Variants in SCN8A observed in about 807,000 individuals in gnomAD.
SCN8A encodes sodium channel protein type 8 subunit alpha.
SCN8A carries 30 observed loss-of-function variants against 184.1 expected under a neutral mutation model. The ratio of observed to expected loss-of-function variants is 0.16; its 90% CI spans 0.12 to 0.22. The LOEUF (loss-of-function observed/expected upper bound fraction) is 0.22. Ranked by LOEUF, SCN8A falls within the 10% of genes least tolerant of loss-of-function variation. The pLI is 1.00. For synonymous variants in SCN8A, 852 were observed against 907.0 expected, an observed-to-expected ratio of 0.94 and a Z score of 1.09; for missense variants, 1,057 against 2,498.9, an observed-to-expected ratio of 0.42 and a Z score of 12.30.
chr12:51,712,259 T>C (rs1941890842), intron 11 of SCN8A, among the ~76,000 whole-genome samples: 1 of 152,228 alleles, frequency 6.6e-6, no homozygotes, highest in Non-Finnish European at 1.5e-5. Flanking sequence ...TCCTGCAAAC[T>C]GTGGCTATGG....
intron 1 of SCN8A, among the ~76,000 whole-genome samples, chr12:51,613,151 A>G (rs1457943999): frequency 6.6e-6 from 1 of 152,108 alleles, no homozygotes; most frequent in Non-Finnish European, 1.5e-5. Context: ...ACCTTATAAG[A>G]TAAGTTGGGA....
chr12:51,701,438 C>A (rs1222160285), intron 8 of SCN8A, among the ~76,000 whole-genome samples: 1 of 152,130 alleles, frequency 6.6e-6, no homozygotes, highest in East Asian at 1.9e-4. Context: ...ATGAAAGAAT[C>A]CAAGGATGAA....
At chr12:51,629,923 T>A (rs1384350780) in intron 1 of SCN8A, among the ~76,000 whole-genome samples, 1 of 152,154 alleles carries the variant, frequency 6.6e-6, no homozygotes, top group Non-Finnish European at 1.5e-5. Flanking sequence ...CTCTTCCTGA[T>A]GGCTGTCTTC....
At position 51,758,913 on chromosome 12, in the gene SCN8A, G is replaced by A. The variant is rs974136255; in HGVS notation, c.2371-3590G>A. Among the ~76,000 whole-genome samples, 3 of 152,022 alleles carry A rather than the reference G, an allele frequency of 2.0e-5. No individual in the cohort carries two copies. In the East Asian group the frequency reaches 5.8e-4, roughly 30 times the overall value. On this transcript the variant is annotated intron_variant, in intron 14 of 26. Coordinates refer to ENST00000627620, the MANE Select transcript of SCN8A (RefSeq NM_001330260.2). ...ATTCCAAGGCCCCCAGTGGATGCCT[G>A]AAACCTCAGATAGTACCAAGCCATA...
intron 1 of SCN8A, among the ~76,000 whole-genome samples, chr12:51,626,879 G>C (rs1027821559): frequency 1.3e-5 from 2 of 150,606 alleles, no homozygotes; most frequent in Admixed American, 6.6e-5. Flanking sequence ...GATTTTTTTA[G>C]CTTGGATTAT....
At chr12:51,687,317 C>A in intron 5 of SCN8A, 98 bp downstream of exon 5, 2 of 1,360,684 alleles carry the variant, frequency 1.5e-6, no homozygotes, top group Non-Finnish European at 2.0e-6. Context: ...GTGGACACAG[C>A]TGTATGAGGA....
intron 2 of SCN8A, among the ~76,000 whole-genome samples, chr12:51,669,508 C>T (rs1941094369): frequency 6.6e-6 from 1 of 152,212 alleles, no homozygotes; most frequent in Non-Finnish European, 1.5e-5. Context: ...CCCTCTCTTC[C>T]TGTTGGAATG....
At chr12:51,715,761 A>C (rs1941955434) in intron 11 of SCN8A, among the ~76,000 whole-genome samples, 1 of 152,108 alleles carries the variant, frequency 6.6e-6, no homozygotes, top group Admixed American at 6.6e-5. Context: ...AGGTAGTATC[A>C]GCACCCAGCA....
chr12:51,703,682 T>TA (rs1178271986), intron 9 of SCN8A, among the ~76,000 whole-genome samples: 2 of 152,260 alleles, frequency 1.3e-5, no homozygotes, highest in Non-Finnish European at 2.9e-5. Context: ...CTAAGTGTCT[T>TA]ACAGCTTAGA....
rs994441586 is a variant in SCN8A at position 51,809,008 on chromosome 12, G to A, written c.*1579G>A. 1 of 152,176 alleles carries A rather than the reference G, an allele frequency of 6.6e-6. No homozygotes were observed. The highest frequency in any genetic ancestry group is 1.5e-5 in the Non-Finnish European group (1 of 68,036). 9.4% of individuals were successfully genotyped at this position (152,176 alleles called of 1,614,324 possible). Reference sequence around the variant, plus strand: ...ACCAAGCCCACTTGGTTTCTTTACTGCACTGGTTTTCATGAGAAAGCAATT... The same window carrying A: ...ACCAAGCCCACTTGGTTTCTTTACTACACTGGTTTTCATGAGAAAGCAATT... On this transcript the variant is annotated 3_prime_UTR_variant, in exon 27 of 27. Transcript: ENST00000627620.
chr12:51,665,100 A>C (rs1447174607), intron 2 of SCN8A, among the ~76,000 whole-genome samples: 1 of 152,196 alleles, frequency 6.6e-6, no homozygotes, highest in Non-Finnish European at 1.5e-5. Flanking sequence ...CTGACAGGAG[A>C]TATGAAAAAA....
At chr12:51,738,238 A>T (rs1197246795) in intron 12 of SCN8A, among the ~76,000 whole-genome samples, 1 of 152,182 alleles carries the variant, frequency 6.6e-6, no homozygotes, top group Non-Finnish European at 1.5e-5. Context: ...TGGAATTAGA[A>T]CTTGTGCTCC....
At chr12:51,650,946 A>G (rs1347549090) in intron 1 of SCN8A, among the ~76,000 whole-genome samples, 2 of 152,234 alleles carry the variant, frequency 1.3e-5, no homozygotes, top group Non-Finnish European at 2.9e-5. Context: ...TTCTATAGAT[A>G]TTAAATTAAC....
At position 51,709,444 on chromosome 12, in the gene SCN8A, G is replaced by A. The variant is rs572984612; in HGVS notation, c.1635+2729G>A. Among the ~76,000 whole-genome samples, 21 of 152,338 alleles carry A rather than the reference G, an allele frequency of 1.4e-4. No individual in the cohort carries two copies. In the South Asian group the frequency reaches 4.4e-3, roughly 32 times the overall value. On this transcript the variant is annotated intron_variant, in intron 11 of 26. Coordinates refer to ENST00000627620, the MANE Select transcript of SCN8A (RefSeq NM_001330260.2). Reference sequence around the variant, plus strand: ...GGATAAACAGTGTTAGAGAAGCTGAGAGGGCCAAGAGTTCAGTGAAGTCAG... The same window carrying A: ...GGATAAACAGTGTTAGAGAAGCTGAAAGGGCCAAGAGTTCAGTGAAGTCAG...
At chr12:51,660,401 T>C (rs897282034) in intron 1 of SCN8A, among the ~76,000 whole-genome samples, 4 of 152,228 alleles carry the variant, frequency 2.6e-5, no homozygotes, top group African/African-American at 9.6e-5. Flanking sequence ...CAGTGTTCTT[T>C]GTCCTCTGCG....
chr12:51,719,769 G>A (rs915059467), intron 11 of SCN8A, among the ~76,000 whole-genome samples: 5 of 149,372 alleles, frequency 3.3e-5, no homozygotes, highest in Admixed American at 6.7e-5. Flanking sequence ...GAATAAATAA[G>A]AAAAAATTTA....
chr12:51,722,989 T>C (rs569629152), intron 12 of SCN8A: 3 of 152,358 alleles, frequency 2.0e-5, no homozygotes, highest in African/African-American at 4.8e-5. Flanking sequence ...CTCCTTGAGA[T>C]AGCATGTTAG....
chr12:51,706,740 T>A, intron 11 of SCN8A, 25 bp downstream of exon 11: 4 of 1,448,032 alleles, frequency 2.8e-6, no homozygotes, highest in Non-Finnish European at 3.7e-6. Context: ...TTTCTATACC[T>A]TTTTCAAAAA....
At chr12:51,650,031 C>A in intron 1 of SCN8A, among the ~76,000 whole-genome samples, 1 of 152,166 alleles carries the variant, frequency 6.6e-6, no homozygotes, top group East Asian at 1.9e-4. Flanking sequence ...TACCCTAAAT[C>A]ATCTCTCTCA....
Sources: gnomAD v4.1 joint callset for allele counts (sites outside exome capture counted in the v4.1 genomes callset) on GRCh38, gnomAD v4.1.1 for gene constraint, MANE v1.5 for transcripts, NCBI Gene and HGNC (gene_info 2026-07-23, HGNC 2026-07-21) for gene names.